LOC400499: variants seen among roughly 807,000 people sequenced by gnomAD.
the LOC400499 span, chr16:11,457,000 C>T: frequency 5.5e-5 from 85 of 1,534,962 alleles, no homozygotes; most frequent in Middle Eastern, 1.7e-4. Flanking sequence ...TAAAGCTGCA[C>T]GCGGCAATCC....
At chr16:11,527,312 GT>G in the LOC400499 span, among the ~76,000 whole-genome samples, 1 of 152,264 alleles carries the variant, frequency 6.6e-6, no homozygotes, top group African/African-American at 2.4e-5. Flanking sequence ...AGAAGGGGAG[GT>G]GGGGGGCATT....
At chr16:11,523,732 G>A in the LOC400499 span, 10 of 336,856 alleles carry the variant, frequency 3.0e-5, no homozygotes, top group Non-Finnish European at 4.3e-5. Flanking sequence ...CCAATCATTC[G>A]TGCTTCCACA....
chr16:11,430,636 C>T, the LOC400499 span, among the ~76,000 whole-genome samples: 1 of 152,146 alleles, frequency 6.6e-6, no homozygotes, highest in Non-Finnish European at 1.5e-5. Context: ...ACTGATTAAT[C>T]TGGGCAAAGG....
chr16:11,443,135 C>A, the LOC400499 span, among the ~76,000 whole-genome samples: 1 of 151,766 alleles, frequency 6.6e-6, no homozygotes, highest in Admixed American at 6.6e-5. Flanking sequence ...ACCAGCCTGG[C>A]CAACATGCAG....
the LOC400499 span, chr16:11,449,055 A>C: frequency 1.3e-6 from 2 of 1,487,332 alleles, no homozygotes; most frequent in African/African-American, 2.7e-5. Context: ...GGCTGACTCG[A>C]GTTCGCTCCA....
chr16:11,383,554 C>T, the LOC400499 span: 27 of 1,199,014 alleles, frequency 2.3e-5, no homozygotes, highest in Non-Finnish European at 2.8e-5. Context: ...ATTTGTCCTC[C>T]CTGGTGAGAG....
the LOC400499 span, among the ~76,000 whole-genome samples, chr16:11,374,996 G>C: frequency 2.6e-5 from 4 of 151,768 alleles, no homozygotes; most frequent in East Asian, 7.8e-4. Context: ...TTACAGGCCT[G>C]CACCACCACA....
the LOC400499 span, among the ~76,000 whole-genome samples, chr16:11,377,542 C>G: frequency 3.9e-5 from 6 of 152,262 alleles, no homozygotes; most frequent in African/African-American, 1.2e-4. Context: ...TTGTTAAATG[C>G]TTTTTCTTCA....
At chr16:11,435,184 T>C in the LOC400499 span, among the ~76,000 whole-genome samples, 1 of 151,758 alleles carries the variant, frequency 6.6e-6, no homozygotes, top group Admixed American at 6.6e-5. Context: ...GTCTATGTTG[T>C]CCAGACTGGT....
the LOC400499 span, chr16:11,443,572 C>T: frequency 3.2e-6 from 1 of 314,758 alleles, no homozygotes; most frequent in Non-Finnish European, 6.2e-6. Context: ...ATACGATGCT[C>T]TCCCAGAGTA....
chr16:11,468,448 T>C, the LOC400499 span, among the ~76,000 whole-genome samples: 3 of 151,862 alleles, frequency 2.0e-5, no homozygotes, highest in Non-Finnish European at 4.4e-5. Flanking sequence ...CTCAGTCTCC[T>C]GAGTAGCTGA....
chr16:11,399,928 G>A, the LOC400499 span: 5 of 397,796 alleles, frequency 1.3e-5, no homozygotes, highest in Non-Finnish European at 1.8e-5. Flanking sequence ...TAGGGAGGAT[G>A]GAGAAGCTGG....
At chr16:11,410,898 G>T in the LOC400499 span, among the ~76,000 whole-genome samples, 1 of 152,238 alleles carries the variant, frequency 6.6e-6, no homozygotes, top group African/African-American at 2.4e-5. Context: ...AGATGGGGGT[G>T]ACGCTGGCTC....
the LOC400499 span, chr16:11,386,988 T>C: frequency 1.4e-6 from 1 of 694,770 alleles, no homozygotes; most frequent in Non-Finnish European, 2.0e-6. Flanking sequence ...CCATAGGACC[T>C]TGGGAAGTCC....
the LOC400499 span, chr16:11,459,755 C>A: frequency 2.4e-6 from 2 of 850,212 alleles, no homozygotes. Flanking sequence ...GCTGGAGATG[C>A]AAAAGGGAAA....
chr16:11,445,434 G>A, the LOC400499 span, among the ~76,000 whole-genome samples: 5 of 151,344 alleles, frequency 3.3e-5, no homozygotes, highest in Admixed American at 2.6e-4. Context: ...AAAAAAAAAA[G>A]AAAGAAAAAG....
chr16:11,479,009 T>C, the LOC400499 span, among the ~76,000 whole-genome samples: 1 of 152,346 alleles, frequency 6.6e-6, no homozygotes, highest in South Asian at 2.1e-4. Context: ...CCCCAGTCAG[T>C]TGGAACTGTA....
chr16:11,511,057 C>T, the LOC400499 span, among the ~76,000 whole-genome samples: 5 of 148,106 alleles, frequency 3.4e-5, no homozygotes, highest in East Asian at 2.0e-4. Context: ...AGTGCAGTGA[C>T]GCGATCACAG....
chr16:11,417,759 G>A, the LOC400499 span: 1 of 398,986 alleles, frequency 2.5e-6, no homozygotes, highest in African/African-American at 2.1e-5. Flanking sequence ...AGCTCACAGA[G>A]TAGTTGAGGA....
Sources: allele counts gnomAD v4.1 joint callset (sites outside exome capture counted in the v4.1 genomes callset), GRCh38; gene constraint gnomAD v4.1.1; transcripts MANE v1.5.